The following ZNF69 variants were observed in gnomAD, a reference collection of about 807,000 sequenced individuals.
ZNF69 encodes the protein zinc finger protein 69, also known as ZNF3.
In ZNF69, 47 loss-of-function variants were observed where a neutral mutation model predicts 50.9. The observed-to-expected ratio is 0.92, with a 90% CI of 0.73 to 1.18. The LOEUF is 1.18. Among genes scored for constraint, ZNF69 ranks in the 50% most tolerant of loss-of-function variants. The pLI is 0.00. For missense variants in ZNF69, 717 were observed against 675.1 expected, an observed-to-expected ratio of 1.06 and a Z score of -0.69; for synonymous variants, 216 against 223.1, an observed-to-expected ratio of 0.97 and a Z score of 0.29.
At chr19:11,957,969 A>G in the ZNF69 span, among the ~76,000 whole-genome samples, 2 of 152,222 alleles carry the variant, frequency 1.3e-5, no homozygotes, top group Non-Finnish European at 2.9e-5. Flanking sequence ...TTTGTGAGGT[A>G]AATACTGGAA....
At chr19:11,917,789 C>CTTT (rs74965943), downstream of ZNF69, among the ~76,000 whole-genome samples, 3 of 110,684 alleles carry the variant, frequency 2.7e-5, no homozygotes, top group Admixed American at 9.8e-5. Flanking sequence ...CCACACCCTG[C>CTTT]TTTTTTTTTT....
the ZNF69 span, among the ~76,000 whole-genome samples, chr19:11,943,427 T>G: frequency 1.3e-5 from 2 of 152,218 alleles, no homozygotes; most frequent in African/African-American, 2.4e-5. Flanking sequence ...GTTTTAGTAG[T>G]GATTATTTCT....
chr19:11,943,510 T>G, the ZNF69 span, among the ~76,000 whole-genome samples: 1 of 152,204 alleles, frequency 6.6e-6, no homozygotes, highest in Non-Finnish European at 1.5e-5. Flanking sequence ...TTTAGCTATT[T>G]TTTTTACTTC....
At chr19:11,950,296 A>G in the ZNF69 span, 1 of 1,571,702 alleles carries the variant, frequency 6.4e-7, no homozygotes, top group East Asian at 2.2e-5. Flanking sequence ...CACTGGAAGG[A>G]AGCACTATGA....
At chr19:11,930,416 A>T in the ZNF69 span, among the ~76,000 whole-genome samples, 1 of 148,528 alleles carries the variant, frequency 6.7e-6, no homozygotes, top group South Asian at 2.1e-4. Flanking sequence ...ACATGGAGGA[A>T]CTGGGAGGAG....
chr19:11,954,529 C>G, the ZNF69 span, among the ~76,000 whole-genome samples: 1 of 152,208 alleles, frequency 6.6e-6, no homozygotes, highest in East Asian at 1.9e-4. Context: ...AGGTTTGTCT[C>G]CTTATAAAGA....
chr19:11,946,974 G>A, the ZNF69 span: 2 of 1,004,800 alleles, frequency 2.0e-6, no homozygotes, highest in South Asian at 2.2e-5. Context: ...GGCAACAAGA[G>A]TGAAACTCTG....
the ZNF69 span, chr19:11,979,187 C>G: frequency 9.9e-6 from 16 of 1,611,854 alleles, no homozygotes; most frequent in African/African-American, 2.7e-5. Flanking sequence ...GGAGAGAAAC[C>G]CTATAAATGC....
chr19:11,964,694 G>A, the ZNF69 span, among the ~76,000 whole-genome samples: 130 of 152,290 alleles, frequency 8.5e-4, no homozygotes, highest in Non-Finnish European at 1.5e-3. Context: ...CCAGCAGATG[G>A]CTCCTATGGA....
the ZNF69 span, among the ~76,000 whole-genome samples, chr19:11,962,323 G>A: frequency 3.9e-5 from 6 of 152,138 alleles, no homozygotes; most frequent in Non-Finnish European, 8.8e-5. Context: ...CTTTCTTAAG[G>A]ATTCTACCTG....
chr19:11,950,144 AG>A, the ZNF69 span: 1 of 1,614,046 alleles, frequency 6.2e-7, no homozygotes, highest in Non-Finnish European at 8.5e-7. Context: ...TATGAATGTA[AG>A]GAATGCGGAA....
At chr19:11,897,729 G>A (rs958494842) in intron 1 of ZNF69, among the ~76,000 whole-genome samples, 13 of 150,658 alleles carry the variant, frequency 8.6e-5, no homozygotes, top group African/African-American at 1.2e-4. Flanking sequence ...AAAATTAGCC[G>A]AGCGTGGTGG....
chr19:11,967,592 A>G, the ZNF69 span, among the ~76,000 whole-genome samples: 2 of 152,124 alleles, frequency 1.3e-5, no homozygotes, highest in Non-Finnish European at 2.9e-5. Context: ...TTTAGTAGAG[A>G]CGGGGTTTCA....
downstream of ZNF69, among the ~76,000 whole-genome samples, chr19:11,918,927 G>A (rs1295585360): frequency 4.9e-5 from 7 of 143,790 alleles, no homozygotes; most frequent in African/African-American, 1.6e-4. Flanking sequence ...ACGGAGTCTC[G>A]CTGTGTCGCC....
In ZNF69 at chr19:11,905,994, C is replaced by A; in HGVS notation, c.1597C>A (p.Pro533Thr). 1 of 1,614,028 alleles carries A rather than the reference C, an allele frequency of 6.2e-7. No homozygotes were observed. The highest frequency in any genetic ancestry group is 2.2e-5 in the East Asian group (1 of 44,870). Residue 533 changes from proline (P) to threonine (T), a missense_variant, in exon 4 of 4, where the codon CCC (proline) becomes ACC (threonine). Physicochemically the swap from Pro to Thr is conservative, Grantham distance 38. Coordinates refer to ENST00000429654, the MANE Select transcript of ZNF69 (RefSeq NM_001364730.1). ...YHERTHTGEKPYKCKQCGKAF... is the reference protein window; with the variant it reads ...YHERTHTGEKTYKCKQCGKAF... ...TGAAAGGACTCACACTGGAGAGAAACCCTATAAATGCAAGCAATGTGGGAA... is the reference window on the plus strand; with the variant it reads ...TGAAAGGACTCACACTGGAGAGAAAACCTATAAATGCAAGCAATGTGGGAA...
chr19:11,949,824 CT>C, the ZNF69 span: 1 of 1,608,218 alleles, frequency 6.2e-7, no homozygotes, highest in African/African-American at 1.4e-5. Context: ...GTGGGAAAGC[CT>C]TCAGTTGTGC....
At chr19:11,971,180 C>G in the ZNF69 span, among the ~76,000 whole-genome samples, 1 of 152,098 alleles carries the variant, frequency 6.6e-6, no homozygotes, top group South Asian at 2.1e-4. Flanking sequence ...GTTGTGAAGT[C>G]CATGTTCAGG....
At chr19:11,903,370 T>G (rs1317726541) in intron 1 of ZNF69, among the ~76,000 whole-genome samples, 1 of 152,208 alleles carries the variant, frequency 6.6e-6, no homozygotes, top group African/African-American at 2.4e-5. Context: ...ATCACGCCAT[T>G]GCACTCCAGC....
the ZNF69 span, chr19:11,977,346 C>G: frequency 7.4e-6 from 12 of 1,612,710 alleles, no homozygotes; most frequent in Admixed American, 2.0e-4. Flanking sequence ...TGCTTCAGGA[C>G]TACTTTTCTG....
Sources: gnomAD v4.1 joint callset for allele counts (sites outside exome capture counted in the v4.1 genomes callset) on GRCh38, gnomAD v4.1.1 for gene constraint, MANE v1.5 for transcripts, NCBI Gene and HGNC (gene_info 2026-07-23, HGNC 2026-07-21) for gene names.